Variants in FAM83B observed in about 807,000 individuals in gnomAD.
FAM83B encodes the protein scaffolding CK1 anchoring protein B, also known as protein FAM83B.
A neutral mutation model predicts 38.8 loss-of-function variants in FAM83B; 26 were observed. The ratio of observed to expected loss-of-function variants is 0.67; its 90% CI spans 0.49 to 0.93. The LOEUF is 0.93. Among genes scored for constraint, FAM83B ranks in the 40% least tolerant of loss-of-function variants. The pLI is 0.00. For synonymous variants in FAM83B, 419 were observed against 423.1 expected, an observed-to-expected ratio of 0.99 and a Z score of 0.12; for missense variants, 1,237 against 1,197.3, an observed-to-expected ratio of 1.03 and a Z score of -0.49.
At chr6:54,858,828 C>G (rs992417269) in intron 1 of FAM83B, among the ~76,000 whole-genome samples, 2 of 152,068 alleles carry the variant, frequency 1.3e-5, no homozygotes, top group African/African-American at 4.8e-5. Context: ...CTTCTTCTGA[C>G]AAAGTTCTCA....
rs184102970 is a variant in FAM83B at position 54,902,189 on chromosome 6, G to A, written c.445-24182G>A. ...ACTCCAAAAAGTAAAGCTTTGTCCC[G>A]AGATGCCCTCAAGTTCCATTTCAGA... On this transcript the variant is annotated intron_variant, in intron 2 of 4. Coordinates refer to ENST00000306858, the MANE Select transcript of FAM83B (RefSeq NM_001010872.3). Among the ~76,000 whole-genome samples the A allele has an allele frequency of 8.5e-4, 129 of 152,180 alleles. 1 individual carries two copies. In the Middle Eastern group the frequency reaches 0.01, roughly 12 times the overall value.
chr6:54,940,864 T>C lies in FAM83B; in HGVS notation c.1893T>C (p.His631=). ...CCTTAAACCAAACTACAAATGGCCATACTGAATCAAATAACTATATATATA... is the reference window on the plus strand; with the variant it reads ...CCTTAAACCAAACTACAAATGGCCACACTGAATCAAATAACTATATATATA... ...SVALNQTTNG[H]TESNNYIYKT... The change falls in exon 5 of 5, where the codon CAT becomes CAC. Residue 631 remains histidine (H), a synonymous_variant. Coordinates refer to ENST00000306858, the MANE Select transcript of FAM83B (RefSeq NM_001010872.3). 1 of 1,613,732 alleles carries C rather than the reference T, an allele frequency of 6.2e-7. No homozygotes were observed. The highest frequency in any genetic ancestry group is 8.5e-7 in the Non-Finnish European group (1 of 1,179,792).
intron 2 of FAM83B, among the ~76,000 whole-genome samples, chr6:54,921,160 G>A (rs146990182): frequency 2.6e-5 from 4 of 151,978 alleles, no homozygotes; most frequent in Non-Finnish European, 5.9e-5. Context: ...ATGAAGACCT[G>A]TTGTCTCTTT....
intron 1 of FAM83B, among the ~76,000 whole-genome samples, chr6:54,864,995 A>T (rs1771666768): frequency 6.6e-6 from 1 of 152,238 alleles, no homozygotes; most frequent in Non-Finnish European, 1.5e-5. Context: ...ATATCATTTA[A>T]GCTGCAAAAA....
chr6:54,849,347 G>C (rs1771211833), intron 1 of FAM83B, among the ~76,000 whole-genome samples: 1 of 152,124 alleles, frequency 6.6e-6, no homozygotes, highest in Admixed American at 6.5e-5. Context: ...CTTCCCAAGG[G>C]GATTGGGAGG....
At chr6:54,858,166 T>A (rs1771487916) in intron 1 of FAM83B, among the ~76,000 whole-genome samples, 1 of 152,208 alleles carries the variant, frequency 6.6e-6, no homozygotes, top group Non-Finnish European at 1.5e-5. Flanking sequence ...CAAACCCTGA[T>A]AACAGGAAAA....
At chr6:54,922,801 T>G (rs1301321080) in intron 2 of FAM83B, among the ~76,000 whole-genome samples, 1 of 152,078 alleles carries the variant, frequency 6.6e-6, no homozygotes, top group Non-Finnish European at 1.5e-5. Flanking sequence ...TTTGCTCATC[T>G]TCTAAGGTAT....
intron 2 of FAM83B, among the ~76,000 whole-genome samples, chr6:54,906,169 T>C (rs1231963330): frequency 1.3e-5 from 2 of 152,076 alleles, no homozygotes; most frequent in Non-Finnish European, 2.9e-5. Flanking sequence ...TAAATGGCAT[T>C]TTCAAAGGAC....
chr6:54,944,759 G>A lies in FAM83B; in HGVS notation c.*2752G>A, dbSNP rs953302569. On this transcript the variant is annotated 3_prime_UTR_variant, in exon 5 of 5. Transcript: ENST00000306858. ...TGGCTAAGGGATGCAAAGTAGAATTGCTTTACATTGACTATATATGTGACA... is the reference window on the plus strand; with the variant it reads ...TGGCTAAGGGATGCAAAGTAGAATTACTTTACATTGACTATATATGTGACA... The A allele has an allele frequency of 2.0e-5, 3 of 152,112 alleles. No individual in the cohort carries two copies. Among genetic ancestry groups the A allele is most frequent in the Admixed American group, 6.5e-5 (1 of 15,284 alleles). 9.4% of individuals were successfully genotyped at this position (152,112 alleles called of 1,614,324 possible). A position where few individuals can be genotyped will look rare whatever the true frequency, so the allele number is the denominator to read the frequency against.
intron 2 of FAM83B, among the ~76,000 whole-genome samples, chr6:54,908,934 A>G (rs1332355535): frequency 1.3e-5 from 2 of 152,192 alleles, no homozygotes; most frequent in African/African-American, 2.4e-5. Flanking sequence ...AACTAGTTCT[A>G]GTCATAACTT....
chr6:54,919,779 A>G (rs184144459), intron 2 of FAM83B, among the ~76,000 whole-genome samples: 14 of 152,118 alleles, frequency 9.2e-5, no homozygotes, highest in Non-Finnish European at 1.9e-4. Flanking sequence ...CTTGAAGTCT[A>G]TGTCTATTTA....
chr6:54,897,794 A>G (rs1361285526), intron 2 of FAM83B, among the ~76,000 whole-genome samples: 1 of 152,228 alleles, frequency 6.6e-6, no homozygotes, highest in East Asian at 1.9e-4. Flanking sequence ...TAGGGATTAG[A>G]TAAGCATAAA....
chr6:54,925,171 C>G (rs1773259839), intron 2 of FAM83B, among the ~76,000 whole-genome samples: 1 of 152,140 alleles, frequency 6.6e-6, no homozygotes, highest in Non-Finnish European at 1.5e-5. Context: ...CCTTTAAATT[C>G]TATTCAAAGG....
intron 2 of FAM83B, among the ~76,000 whole-genome samples, chr6:54,900,473 G>A (rs937558133): frequency 3.9e-5 from 6 of 151,982 alleles, no homozygotes; most frequent in Non-Finnish European, 8.8e-5. Context: ...GTTAATAGCT[G>A]ATCTGATTTC....
At position 54,943,448 on chromosome 6, in the gene FAM83B, A is replaced by G. The variant is rs940204660; in HGVS notation, c.*1441A>G. The stretch of plus-strand genomic sequence containing the variant: ...TGTGAGAAGTGTGAAGTGTTTGTAC[A>G]TCACTTTAAATATATTACTTAATAT... On this transcript the variant is annotated 3_prime_UTR_variant, in exon 5 of 5. Coordinates refer to ENST00000306858, the MANE Select transcript of FAM83B (RefSeq NM_001010872.3). The G allele has an allele frequency of 1.3e-5, 2 of 152,204 alleles. No homozygotes were observed. Among genetic ancestry groups the G allele is most frequent in the East Asian group, 3.9e-4 (2 of 5,184 alleles). The allele number at this position is 152,204 out of a possible 1,614,324, so 9.4% of individuals were successfully genotyped here.
intron 1 of FAM83B, among the ~76,000 whole-genome samples, chr6:54,860,463 G>A (rs1478793087): frequency 6.6e-6 from 1 of 152,032 alleles, no homozygotes; most frequent in African/African-American, 2.4e-5. Flanking sequence ...AAATGCAAAG[G>A]GACTAGAATA....
chr6:54,923,187 A>G (rs886257296), intron 2 of FAM83B, among the ~76,000 whole-genome samples: 3 of 152,074 alleles, frequency 2.0e-5, no homozygotes, highest in African/African-American at 7.2e-5. Flanking sequence ...ATTAACATGT[A>G]TATTTTAAAG....
At chr6:54,935,477 A>G (rs56233640) in intron 4 of FAM83B, among the ~76,000 whole-genome samples, 26,377 of 152,116 alleles carry the variant, frequency 0.17, 3,099 homozygotes, top group Non-Finnish European at 0.26. Flanking sequence ...AACAATAGAT[A>G]AAAGATCCTG....
At chr6:54,881,629 A>G (rs1386037274) in intron 2 of FAM83B, among the ~76,000 whole-genome samples, 3 of 152,158 alleles carry the variant, frequency 2.0e-5, no homozygotes, top group Non-Finnish European at 4.4e-5. Context: ...TGAAAAAAAA[A>G]TAAAATCTGA....
Sources: gnomAD v4.1 joint callset for allele counts (sites outside exome capture counted in the v4.1 genomes callset) on GRCh38, gnomAD v4.1.1 for gene constraint, MANE v1.5 for transcripts, NCBI Gene and HGNC (gene_info 2026-07-23, HGNC 2026-07-21) for gene names.